The following MYPOP variants were observed in gnomAD, a reference collection of about 807,000 sequenced individuals.
The protein encoded by MYPOP is Myb related transcription factor, partner of profilin.
Under a neutral mutation model 25.7 loss-of-function variants are expected in MYPOP, and 21 were observed. The ratio of observed to expected loss-of-function variants is 0.82; its 90% CI spans 0.58 to 1.18. The LOEUF is 1.18. Among genes scored for constraint, MYPOP ranks in the 50% most tolerant of loss-of-function variants. MYPOP has a pLI of 0.00. For missense variants in MYPOP, 566 were observed against 588.3 expected (o/e 0.96, Z 0.39); for synonymous variants, 280 against 247.9 (o/e 1.13, Z -1.22).
At chr19:45,902,025 C>G (rs1967306584) in intron 1 of MYPOP, among the ~76,000 whole-genome samples, 200 bp from the exon 2 acceptor site, 6 of 150,640 alleles carry the variant, frequency 4.0e-5, no homozygotes, top group Admixed American at 3.3e-4. Flanking sequence ...TCGGACTTCG[C>G]GCGGCGCGAA....
chr19:45,891,775 C>T (rs952257406), intron 2 of MYPOP, among the ~76,000 whole-genome samples: 2 of 151,624 alleles, frequency 1.3e-5, no homozygotes, highest in Non-Finnish European at 2.9e-5. Flanking sequence ...CAGATCATGC[C>T]TTGGAAGAGA....
chr19:45,896,366 C>A (rs755776050), intron 2 of MYPOP, among the ~76,000 whole-genome samples: 2 of 152,160 alleles, frequency 1.3e-5, no homozygotes, highest in Non-Finnish European at 2.9e-5. Context: ...GGGCCAGCCA[C>A]CAGCAGGAGG....
chr19:45,890,686 G>C lies in MYPOP; in HGVS notation c.1137C>G (p.Pro379=), dbSNP rs572287945. The C allele has an allele frequency of 3.1e-6, 5 of 1,609,606 alleles. No homozygotes were observed. The highest frequency in any genetic ancestry group is 1.7e-5 in the Admixed American group (1 of 59,656). The change falls in exon 3 of 3, where the codon CCC becomes CCG. Residue 379 remains proline (P), a synonymous_variant. Transcript: ENST00000322217. ...PPAPLPPHDS[P]PHKRRKGFPT... ...GGAAACCTTTTCTCCGCTTGTGTGGGGGGGAGTCGTGCGGAGGGAGCGGGG... is the reference window on the plus strand; with the variant it reads ...GGAAACCTTTTCTCCGCTTGTGTGGCGGGGAGTCGTGCGGAGGGAGCGGGG...
Position 45,901,280 on chromosome 19 carries a change from C to T in MYPOP, c.494G>A (p.Arg165His). The T allele has an allele frequency of 1.4e-6, 2 of 1,448,406 alleles. No homozygotes were observed. The highest frequency in any genetic ancestry group is 9.1e-7 in the Non-Finnish European group (1 of 1,101,688). 89.7% of individuals were successfully genotyped at this position (1,448,406 alleles called of 1,614,324 possible). Residue 165 changes from arginine to histidine, a missense_variant, in exon 2 of 3, where the codon CGT becomes CAT. Transcript: ENST00000322217. This position sits in a 1 kb window ranked among gnomAD's most constrained non-coding sequence, Gnocchi z 5.7. The part of the protein sequence containing the change: ...VLSEDRREDR[R>H]ADTSAHSKAG... ...CCTACTCTGAAGACACTCACCTGCA[C>T]GTCGGTCCTCCCGGCGGTCTTCCGA...
chr19:45,898,857 T>C (rs1967245567), intron 2 of MYPOP, among the ~76,000 whole-genome samples: 1 of 152,132 alleles, frequency 6.6e-6, no homozygotes, highest in Non-Finnish European at 1.5e-5. Flanking sequence ...TTATTTATCC[T>C]CTTAGTTCTC....
chr19:45,900,549 A>AC (rs888858179), intron 2 of MYPOP, among the ~76,000 whole-genome samples: 17 of 110,286 alleles, frequency 1.5e-4, no homozygotes, highest in African/African-American at 5.3e-4. Flanking sequence ...CGTCTTCCCC[A>AC]CCCCCCTACT....
At chr19:45,895,983 T>A (rs533486536) in intron 2 of MYPOP, among the ~76,000 whole-genome samples, 12 of 149,672 alleles carry the variant, frequency 8.0e-5, no homozygotes, top group African/African-American at 2.9e-4. Context: ...AAAAAAAAAA[T>A]AACAAAAACA....
chr19:45,890,456 A>T lies in MYPOP; in HGVS notation c.*167T>A. On this transcript the variant is annotated 3_prime_UTR_variant, in exon 3 of 3. Coordinates refer to ENST00000322217, the MANE Select transcript of MYPOP (RefSeq NM_001012643.4). ...GAGAAAGGGGTTGGGGGGGCCCATT[A>T]CTGAGGCCCCCCCCAGAGAATCAGG... The T allele has an allele frequency of 8.8e-7, 1 of 1,142,510 alleles. No individual in the cohort carries two copies. The highest frequency in any genetic ancestry group is 1.2e-6 in the Non-Finnish European group (1 of 845,502). 70.8% of individuals were successfully genotyped at this position (1,142,510 alleles called of 1,614,324 possible).
At chr19:45,895,153 T>G (rs1967184701) in intron 2 of MYPOP, among the ~76,000 whole-genome samples, 1 of 152,218 alleles carries the variant, frequency 6.6e-6, no homozygotes, top group Non-Finnish European at 1.5e-5. Flanking sequence ...CTTCCCCCAT[T>G]GCCTTCCTGA....
At chr19:45,894,510 C>T (rs1014820854) in intron 2 of MYPOP, among the ~76,000 whole-genome samples, 2 of 151,194 alleles carry the variant, frequency 1.3e-5, no homozygotes, top group Admixed American at 1.3e-4. Context: ...ATCTCCCCAG[C>T]TTAAGCGATC....
In MYPOP at chr19:45,890,817, C is replaced by A; in HGVS notation, c.1006G>T (p.Glu336Ter). 1 of 1,231,520 alleles carries A rather than the reference C, an allele frequency of 8.1e-7. No individual in the cohort carries two copies. The highest frequency in any genetic ancestry group is 3.5e-5 in the Admixed American group (1 of 28,614). The allele number at this position is 1,231,520 out of a possible 1,614,324, so 76.3% of individuals were successfully genotyped here. ...ACAGCAGCCACCACGGACACGGGCTCTGGGGTGATCTCCACCTTGGGGGCC... is the reference window on the plus strand; with the variant it reads ...ACAGCAGCCACCACGGACACGGGCTATGGGGTGATCTCCACCTTGGGGGCC... ...PPAPKVEITP[E>*]PVSVVAAVVD... is the part of the protein sequence containing the mutation. The change falls in exon 3 of 3, where the codon GAG becomes TAG. Residue 336 changes from glutamate (E) to a stop codon, truncating the protein, a stop_gained. Coordinates refer to ENST00000322217, the MANE Select transcript of MYPOP (RefSeq NM_001012643.4). LOFTEE classifies it high-confidence loss of function.
Position 45,891,339 on chromosome 19 carries a change from T to C in MYPOP, c.500-16A>G, listed in dbSNP as rs1478497647. On this transcript the variant is annotated splice_polypyrimidine_tract_variant and intron_variant, in intron 2 of 2. Transcript: ENST00000322217. Reference sequence around the variant, plus strand: ...GCTGATGTATCTGTAGAGAGAGAAATACAGGTAAGGGGTGAGCGACCCTCG... The same window carrying C: ...GCTGATGTATCTGTAGAGAGAGAAACACAGGTAAGGGGTGAGCGACCCTCG... 2 of 1,473,294 alleles carry C rather than the reference T, an allele frequency of 1.4e-6. No homozygotes were observed. Among genetic ancestry groups the C allele is most frequent in the African/African-American group, 1.4e-5 (1 of 71,190 alleles). The allele number at this position is 1,473,294 out of a possible 1,614,324, so 91.3% of individuals were successfully genotyped here.
rs771751872 is a variant in MYPOP, at chr19:45,901,687, G to A, written c.87C>T (p.Ile29=). The A allele has an allele frequency of 1.2e-6, 2 of 1,607,994 alleles. No individual in the cohort carries two copies. The highest frequency in any genetic ancestry group is 1.7e-6 in the Non-Finnish European group (2 of 1,178,494). Reference sequence around the variant, plus strand: ...GCGGGTAGTGGGCGCGCACCTCGCGGATCAGGATCTGGTTCTCTTCGAATG... The same window carrying A: ...GCGGGTAGTGGGCGCGCACCTCGCGAATCAGGATCTGGTTCTCTTCGAATG... ...RFSFEENQIL[I]REVRAHYPQL... Residue 29 remains isoleucine, a synonymous_variant, in exon 2 of 3, where the codon ATC becomes ATT. Coordinates refer to ENST00000322217, the MANE Select transcript of MYPOP (RefSeq NM_001012643.4). This position sits in a 1 kb window ranked among gnomAD's most constrained non-coding sequence, Gnocchi z 5.7.
Position 45,891,268 on chromosome 19 carries a change from G to C in MYPOP, c.555C>G (p.Pro185=). 2 of 1,552,158 alleles carry C rather than the reference G, an allele frequency of 1.3e-6. No individual in the cohort carries two copies. Among genetic ancestry groups the C allele is most frequent in the Non-Finnish European group, 8.7e-7 (1 of 1,155,204 alleles). ...AGCCCCCTTCCTGGGGAGTGCAGGA[G>C]GGCCGGGCCCATGGCTCCGGGCTGC... The part of the protein sequence containing the change: ...GSSSPEPWAR[P]SCTPQEGGCP... Residue 185 remains proline, a synonymous_variant, in exon 3 of 3, where the codon CCC becomes CCG. Transcript: ENST00000322217.
At chr19:45,896,618 C>CTTTT (rs760658668) in intron 2 of MYPOP, among the ~76,000 whole-genome samples, 1 of 134,790 alleles carries the variant, frequency 7.4e-6, no homozygotes, top group African/African-American at 2.7e-5. Flanking sequence ...AGAGTCCATT[C>CTTTT]TTTTTTTTTT....
chr19:45,893,655 G>C lies in MYPOP; in HGVS notation c.500-2332C>G, dbSNP rs149269753. Among the ~76,000 whole-genome samples, 1,407 of 152,040 alleles carry C rather than the reference G, an allele frequency of 9.3e-3. 24 individuals carry two copies. Among genetic ancestry groups the C allele is most frequent in the African/African-American group, 0.032 (1,326 of 41,458 alleles). ...GGGCTGGGGGAAGACAGGGAAGATGGGAGATTGGGGATGGCTAAGAGGTGC... is the reference window on the plus strand; with the variant it reads ...GGGCTGGGGGAAGACAGGGAAGATGCGAGATTGGGGATGGCTAAGAGGTGC... On this transcript the variant is annotated intron_variant, in intron 2 of 2. Transcript: ENST00000322217.
chr19:45,901,765 C>G lies in MYPOP; in HGVS notation c.9G>C (p.Ser3=). ...TTTCCTCCGCTTCGCCCGCCGCCGC[C>G]GAGGCCATGGCGCCCCCCGACGCCG... The part of the protein sequence containing the change: MA[S]AAAGEAEETT... Residue 3 remains serine, a synonymous_variant, in exon 2 of 3, where the codon TCG becomes TCC. Transcript: ENST00000322217. The surrounding 1 kb of genome is among the most constrained non-coding windows in gnomAD (Gnocchi z 5.7). The G allele has an allele frequency of 6.8e-7, 1 of 1,467,742 alleles. No homozygotes were observed. 90.9% of individuals were successfully genotyped at this position (1,467,742 alleles called of 1,614,324 possible).
Position 45,901,435 on chromosome 19 carries a change from C to T in MYPOP, c.339G>A (p.Glu113=), listed in dbSNP as rs764713425. The T allele has an allele frequency of 1.3e-6, 2 of 1,587,252 alleles. No homozygotes were observed. Among genetic ancestry groups the T allele is most frequent in the South Asian group, 2.3e-5 (2 of 87,954 alleles). The change falls in exon 2 of 3, where the codon GAG becomes GAA. Residue 113 remains glutamate, a synonymous_variant. Coordinates refer to ENST00000322217, the MANE Select transcript of MYPOP (RefSeq NM_001012643.4). This position sits in a 1 kb window ranked among gnomAD's most constrained non-coding sequence, Gnocchi z 5.7. ...PAAEDAFSAE[E]ETIFAILGPG... ...GCCCCAGGATGGCAAAAATGGTCTC[C>T]TCTTCCGCGGAGAAAGCGTCCTCCG...
chr19:45,892,001 C>G (rs10422138), intron 2 of MYPOP, among the ~76,000 whole-genome samples: 30,911 of 151,932 alleles, frequency 0.2, 3,615 homozygotes, highest in Non-Finnish European at 0.23. Flanking sequence ...CTCACTGCAA[C>G]CTCTGTCTTC....
Sources: gnomAD v4.1 joint callset for allele counts (sites outside exome capture counted in the v4.1 genomes callset) on GRCh38, gnomAD v4.1.1 for gene constraint, Gnocchi (gnomAD v3.1) non-coding constraint, MANE v1.5 for transcripts, NCBI Gene and HGNC (gene_info 2026-07-23, HGNC 2026-07-21) for gene names.